The following GRXCR1 variants were observed in gnomAD, a reference collection of about 807,000 sequenced individuals.
GRXCR1 encodes glutaredoxin and cysteine rich domain containing 1.
Under a neutral mutation model 27.3 loss-of-function variants are expected in GRXCR1, and 27 were observed. The observed-to-expected ratio is 0.99, with a 90% confidence interval of 0.73 to 1.37. The LOEUF (loss-of-function observed/expected upper bound fraction) is 1.37. GRXCR1 is among the 40% of genes most tolerant of loss of function. GRXCR1 has a pLI of 0.00. For missense variants in GRXCR1, 379 were observed against 354.4 expected, an observed-to-expected ratio of 1.07 and a Z score of -0.56; for synonymous variants, 122 against 131.1, an observed-to-expected ratio of 0.93 and a Z score of 0.47.
intron 1 of GRXCR1, among the ~76,000 whole-genome samples, chr4:42,960,969 A>G (rs1748118060): frequency 6.6e-6 from 1 of 151,650 alleles, no homozygotes; most frequent in East Asian, 1.9e-4. Flanking sequence ...CCTCGCATGC[A>G]TTTTCTATTT....
chr4:42,956,121 A>C (rs546499705), intron 1 of GRXCR1, among the ~76,000 whole-genome samples: 2 of 152,214 alleles, frequency 1.3e-5, no homozygotes, highest in East Asian at 3.9e-4. Context: ...GATTTGCAGT[A>C]ATTTCCATCC....
At chr4:42,904,968 G>C (rs895579398) in intron 1 of GRXCR1, among the ~76,000 whole-genome samples, 3 of 152,090 alleles carry the variant, frequency 2.0e-5, no homozygotes, top group African/African-American at 4.8e-5. Flanking sequence ...TAAAATTAAG[G>C]CTGTGTGGGA....
intron 1 of GRXCR1, among the ~76,000 whole-genome samples, chr4:42,904,271 T>G (rs1746534372): frequency 6.6e-6 from 1 of 152,212 alleles, no homozygotes; most frequent in Admixed American, 6.5e-5. Context: ...CTTTCGCTCC[T>G]TCCAACTCTT....
At chr4:42,922,392 G>A (rs1463762325) in intron 1 of GRXCR1, among the ~76,000 whole-genome samples, 2 of 152,030 alleles carry the variant, frequency 1.3e-5, no homozygotes, top group African/African-American at 2.4e-5. Context: ...TACCTCCTGC[G>A]ATCAGCTGCA....
chr4:42,899,025 A>G (rs1251073777), intron 1 of GRXCR1, among the ~76,000 whole-genome samples: 1 of 152,110 alleles, frequency 6.6e-6, no homozygotes, highest in African/African-American at 2.4e-5. Flanking sequence ...GTAAACTGAT[A>G]GAACTTAGAG....
chr4:42,941,054 A>G (rs909725351), intron 1 of GRXCR1, among the ~76,000 whole-genome samples: 3 of 152,160 alleles, frequency 2.0e-5, no homozygotes, highest in African/African-American at 7.2e-5. Context: ...ATTCTTATAC[A>G]TACAGAAATA....
intron 1 of GRXCR1, among the ~76,000 whole-genome samples, chr4:42,907,397 A>G (rs1746620143): frequency 1.3e-5 from 2 of 152,192 alleles, no homozygotes; most frequent in Non-Finnish European, 1.5e-5. Context: ...CAGTTCCCAC[A>G]CTGCTGTTGG....
Position 42,996,456 on chromosome 4 carries a change from T to C in GRXCR1, c.628-23898T>C, listed in dbSNP as rs185135496. On this transcript the variant is annotated intron_variant, in intron 2 of 3. Transcript: ENST00000399770. ...TCTTTAACTTTGACCTAAAGTTACT[T>C]GGAGAATAAATCAGCCTAGTTTTTC... Among the ~76,000 whole-genome samples, 66 of 152,322 alleles carry C rather than the reference T, an allele frequency of 4.3e-4. 4 individuals are homozygous for C. Among genetic ancestry groups the C allele is most frequent in the Admixed American group, 3.3e-3 (50 of 15,294 alleles).
chr4:43,015,245 A>G (rs1308452704), intron 2 of GRXCR1, among the ~76,000 whole-genome samples: 1 of 152,148 alleles, frequency 6.6e-6, no homozygotes, highest in Non-Finnish European at 1.5e-5. Context: ...AGGCCATGCT[A>G]AAAAGAGTTT....
rs189770353 is a variant in GRXCR1 at position 43,008,960 on chromosome 4, G to A, written c.628-11394G>A. On this transcript the variant is annotated intron_variant, in intron 2 of 3. Coordinates refer to ENST00000399770, the MANE Select transcript of GRXCR1 (RefSeq NM_001080476.3). ...TTAGAGTCTGTTACTTTGTCATTGC[G>A]CAACCTTCCTTCTCCTGCACCTCTT... 7.2e-5 allele frequency among the ~76,000 whole-genome samples: 11 copies of A among 152,232 alleles called. No individual in the cohort carries two copies. In the East Asian group the frequency reaches 1.3e-3, roughly 19 times the overall value.
intron 2 of GRXCR1, among the ~76,000 whole-genome samples, chr4:42,982,997 T>C (rs1033218656): frequency 6.6e-6 from 1 of 151,994 alleles, no homozygotes; most frequent in Non-Finnish European, 1.5e-5. Flanking sequence ...TTCTCCCATT[T>C]TGTAGGTTGC....
intron 2 of GRXCR1, among the ~76,000 whole-genome samples, chr4:42,988,152 C>A (rs1577934024): frequency 6.6e-6 from 1 of 152,284 alleles, no homozygotes; most frequent in South Asian, 2.1e-4. Context: ...GTGCAGAGTG[C>A]TACCTTGGCA....
chr4:42,919,642 A>G (rs909116534), intron 1 of GRXCR1, among the ~76,000 whole-genome samples: 5 of 152,176 alleles, frequency 3.3e-5, no homozygotes, highest in Non-Finnish European at 5.9e-5. Context: ...TCACCAGGCC[A>G]TGTTTTCTTC....
chr4:42,965,891 G>T (rs1370971622), intron 2 of GRXCR1, among the ~76,000 whole-genome samples: 1 of 151,920 alleles, frequency 6.6e-6, no homozygotes, highest in African/African-American at 2.4e-5. Flanking sequence ...TCCAGGGTGG[G>T]GGGTGCCAGA....
At chr4:42,970,985 A>G (rs929317619) in intron 2 of GRXCR1, among the ~76,000 whole-genome samples, 29 of 152,108 alleles carry the variant, frequency 1.9e-4, no homozygotes, top group African/African-American at 6.8e-4. Flanking sequence ...GTTACATCTT[A>G]AATGCTTTGC....
intron 2 of GRXCR1, among the ~76,000 whole-genome samples, chr4:43,011,638 C>T (rs1011203951): frequency 6.6e-6 from 1 of 152,092 alleles, no homozygotes; most frequent in Middle Eastern, 3.2e-3. Context: ...TGGGTATGCA[C>T]TCTGTTTTCT....
chr4:43,027,672 A>G (rs1471296669), intron 3 of GRXCR1, among the ~76,000 whole-genome samples: 1 of 152,218 alleles, frequency 6.6e-6, no homozygotes, highest in Non-Finnish European at 1.5e-5. Context: ...AATATATTTC[A>G]TGAGAAAACC....
intron 3 of GRXCR1, among the ~76,000 whole-genome samples, chr4:43,022,904 T>A (rs1289225076): frequency 1.3e-5 from 2 of 152,206 alleles, no homozygotes; most frequent in African/African-American, 2.4e-5. Context: ...CTCACAACTC[T>A]GCTAAATGAG....
At chr4:42,955,295 C>A (rs1211012859) in intron 1 of GRXCR1, among the ~76,000 whole-genome samples, 1 of 152,024 alleles carries the variant, frequency 6.6e-6, no homozygotes, top group Non-Finnish European at 1.5e-5. Flanking sequence ...TTCAACATGC[C>A]CCGTGTGATG....
Sources: allele counts gnomAD v4.1 joint callset (sites outside exome capture counted in the v4.1 genomes callset), GRCh38; gene constraint gnomAD v4.1.1; transcripts MANE v1.5; gene names NCBI Gene and HGNC (gene_info 2026-07-23, HGNC 2026-07-21).